The following FAF2 variants were observed in gnomAD, a reference collection of about 807,000 sequenced individuals.
The protein encoded by FAF2 is Fas associated factor family member 2, also known as FAS-associated factor 2.
Under a neutral mutation model 62.3 loss-of-function variants are expected in FAF2, and 9 were observed. The ratio of observed to expected loss-of-function variants is 0.14; its 90% CI spans 0.09 to 0.25. FAF2 has a LOEUF of 0.25. FAF2 is among the 10% of genes least tolerant of loss of function. FAF2 has a pLI of 1.00. For synonymous variants in FAF2, 202 were observed against 198.0 expected (o/e 1.02, Z -0.17); for missense variants, 368 against 556.2 (o/e 0.66, Z 3.40).
intron 1 of FAF2, among the ~76,000 whole-genome samples, chr5:176,469,878 A>G (rs184165565): frequency 1.1e-4 from 16 of 152,328 alleles, no homozygotes; most frequent in Non-Finnish European, 2.1e-4. Context: ...AATGTGCAAA[A>G]TTATAAATAT....
At chr5:176,492,999 C>T (rs1204412573) in intron 5 of FAF2, among the ~76,000 whole-genome samples, 1 of 152,114 alleles carries the variant, frequency 6.6e-6, no homozygotes, top group Non-Finnish European at 1.5e-5. Flanking sequence ...TGACTCAAGA[C>T]CTCACCATTC....
chr5:176,476,281 C>CA (rs1024179097), intron 1 of FAF2, among the ~76,000 whole-genome samples: 53 of 151,426 alleles, frequency 3.5e-4, no homozygotes, highest in Non-Finnish European at 4.7e-4. Flanking sequence ...CAAAGCAAAA[C>CA]AAAAAAAACA....
chr5:176,467,672 A>G (rs1238084841), intron 1 of FAF2, among the ~76,000 whole-genome samples: 1 of 152,244 alleles, frequency 6.6e-6, no homozygotes, highest in African/African-American at 2.4e-5. Context: ...GCTGACCTTT[A>G]TTAAGCACTT....
intron 8 of FAF2, 45 bp downstream of exon 8, chr5:176,496,708 A>G: frequency 1.2e-5 from 17 of 1,434,322 alleles, no homozygotes; most frequent in Non-Finnish European, 1.5e-5. Context: ...CCAGTTGTAA[A>G]TTTGGAGGGC....
chr5:176,479,137 C>G, intron 1 of FAF2, 51 bp from the exon 2 acceptor site: 1 of 1,423,698 alleles, frequency 7.0e-7, no homozygotes. Context: ...AATACTCACA[C>G]GTATACTGTT....
Position 176,507,050 on chromosome 5 carries a change from T to G in FAF2, c.*100T>G. Reference sequence around the variant, plus strand: ...GAAAAAAAAAACAAGAGAGAGAAATTCATATTATTATTATTATTATAATAC... The same window carrying G: ...GAAAAAAAAAACAAGAGAGAGAAATGCATATTATTATTATTATTATAATAC... On this transcript the variant is annotated 3_prime_UTR_variant, in exon 11 of 11. Coordinates refer to ENST00000261942, the MANE Select transcript of FAF2 (RefSeq NM_014613.3). The G allele has an allele frequency of 1.5e-6, 1 of 686,296 alleles. No homozygotes were observed. The highest frequency in any genetic ancestry group is 2.1e-6 in the Non-Finnish European group (1 of 483,870). The allele number at this position is 686,296 out of a possible 1,614,324, so 42.5% of individuals were successfully genotyped here.
chr5:176,484,378 C>G (rs1225574735), intron 2 of FAF2, among the ~76,000 whole-genome samples: 1 of 152,332 alleles, frequency 6.6e-6, no homozygotes. Flanking sequence ...TTCTACCTTA[C>G]CCGGAACGTG....
At chr5:176,454,923 A>G (rs1419253279) in intron 1 of FAF2, among the ~76,000 whole-genome samples, 1 of 152,192 alleles carries the variant, frequency 6.6e-6, no homozygotes, top group African/African-American at 2.4e-5. Context: ...AGGCAGTTAT[A>G]TTTGCTCCCA....
intron 7 of FAF2, among the ~76,000 whole-genome samples, chr5:176,495,757 C>T (rs1277990932): frequency 6.6e-6 from 1 of 151,748 alleles, no homozygotes; most frequent in Non-Finnish European, 1.5e-5. Flanking sequence ...AGTGATCCAA[C>T]CACCTCCGCC....
intron 3 of FAF2, among the ~76,000 whole-genome samples, chr5:176,487,004 T>C (rs1758884373): frequency 6.6e-6 from 1 of 152,228 alleles, no homozygotes; most frequent in Non-Finnish European, 1.5e-5. Flanking sequence ...AAGTCAGATG[T>C]GTACACTGAT....
intron 1 of FAF2, among the ~76,000 whole-genome samples, chr5:176,454,224 A>G (rs1461579192): frequency 6.6e-6 from 1 of 151,472 alleles, no homozygotes; most frequent in Non-Finnish European, 1.5e-5. Flanking sequence ...GAAACCCCGT[A>G]TCTACTGAAA....
chr5:176,466,726 G>T (rs1758475628), intron 1 of FAF2, among the ~76,000 whole-genome samples: 1 of 151,414 alleles, frequency 6.6e-6, no homozygotes, highest in Non-Finnish European at 1.5e-5. Context: ...AGAGGAGGAA[G>T]TTTGACCAAA....
chr5:176,477,080 T>C (rs1758711037), intron 1 of FAF2, among the ~76,000 whole-genome samples: 1 of 150,022 alleles, frequency 6.7e-6, no homozygotes, highest in African/African-American at 2.5e-5. Flanking sequence ...AGTGCTGAGA[T>C]TACAGGCGTG....
chr5:176,450,641 C>T (rs1758148602), intron 1 of FAF2, among the ~76,000 whole-genome samples: 2 of 151,842 alleles, frequency 1.3e-5, no homozygotes, highest in African/African-American at 2.4e-5. Flanking sequence ...GCAACCTCCG[C>T]CTTCCAGTTT....
At position 176,496,510 on chromosome 5, in the gene FAF2, C is replaced by T. The variant is rs1755488253; in HGVS notation, c.686C>T (p.Thr229Ile). Residue 229 changes from threonine to isoleucine, a missense_variant, in exon 8 of 11, where the codon ACC becomes ATC. Physicochemically the swap from Thr to Ile is moderately conservative, Grantham distance 89 (BLOSUM62 -1). Transcript: ENST00000261942. ...YRVSQALREN[T>I]YPFLAMIMLK... ...GTCTCACAGGCTTTACGAGAGAACA[C>T]CTATCCATTCCTGGCCATGATTATG... is the stretch of plus-strand genomic sequence containing the variant. 1.9e-6 allele frequency: 3 copies of T among 1,604,658 alleles called. No individual in the cohort carries two copies. The highest frequency in any genetic ancestry group is 2.6e-6 in the Non-Finnish European group (3 of 1,175,872).
rs761904322 is a variant in FAF2, at chr5:176,506,743, T to G, written c.1156-25T>G. The G allele has an allele frequency of 2.2e-5, 36 of 1,603,966 alleles. No homozygotes were observed. In the South Asian group the frequency reaches 3.5e-4, roughly 16 times the overall value. On this transcript the variant is annotated intron_variant, in intron 10 of 10. Transcript: ENST00000261942. ...TGTATTTCTGTTTTTCTCACCACCC[T>G]TCTTTTTCTATATGACCTCTGCAGG...
chr5:176,501,234 T>A (rs1755587888), intron 10 of FAF2, among the ~76,000 whole-genome samples: 2 of 152,262 alleles, frequency 1.3e-5, no homozygotes, highest in South Asian at 2.1e-4. Context: ...CTAACTACTA[T>A]TTTTGGTATT....
chr5:176,483,653 A>C (rs948057567), intron 2 of FAF2, among the ~76,000 whole-genome samples: 2 of 152,236 alleles, frequency 1.3e-5, no homozygotes, highest in Non-Finnish European at 2.9e-5. Context: ...AACCACCTGC[A>C]GTTTCAGAGT....
At chr5:176,486,294 C>T (rs1294177437) in intron 2 of FAF2, 61 bp from the exon 3 acceptor site, 1 of 1,601,698 alleles carries the variant, frequency 6.2e-7, no homozygotes, top group Non-Finnish European at 8.5e-7. Flanking sequence ...GTTGCCTCAC[C>T]TCTTGTTGTT....
Sources: allele counts gnomAD v4.1 joint callset (sites outside exome capture counted in the v4.1 genomes callset), GRCh38; gene constraint gnomAD v4.1.1; transcripts MANE v1.5; gene names NCBI Gene and HGNC (gene_info 2026-07-23, HGNC 2026-07-21).